The following ABTB3 variants were observed in gnomAD, a reference collection of about 807,000 sequenced individuals.
ABTB3 encodes the protein ankyrin repeat and BTB domain containing 3.
At chr12:107,489,608 A>G in the ABTB3 span, among the ~76,000 whole-genome samples, 2 of 152,294 alleles carry the variant, frequency 1.3e-5, no homozygotes, top group South Asian at 4.1e-4. Context: ...CTATCAGAAT[A>G]GTACAGAATT....
At chr12:107,388,633 G>A in the ABTB3 span, among the ~76,000 whole-genome samples, 1 of 151,102 alleles carries the variant, frequency 6.6e-6, no homozygotes, top group South Asian at 2.1e-4. Flanking sequence ...CCTGCTGGAG[G>A]TCTGGGCCAG....
chr12:107,416,772 A>G, the ABTB3 span, among the ~76,000 whole-genome samples: 1 of 152,194 alleles, frequency 6.6e-6, no homozygotes, highest in South Asian at 2.1e-4. Flanking sequence ...GTGACTACAG[A>G]CGAGTGCCAC....
the ABTB3 span, among the ~76,000 whole-genome samples, chr12:107,362,872 A>T: frequency 6.6e-6 from 1 of 152,124 alleles, no homozygotes; most frequent in Non-Finnish European, 1.5e-5. Flanking sequence ...TTCTTCTAAC[A>T]ATGAGTTGGA....
the ABTB3 span, chr12:107,319,401 T>TCGCCAAGTG: frequency 3.1e-6 from 5 of 1,599,074 alleles, no homozygotes; most frequent in Middle Eastern, 1.7e-4. Flanking sequence ...AGCCTGCGCT[T>TCGCCAAGTG]CGCCAAGTGC....
chr12:107,406,282 C>T, the ABTB3 span, among the ~76,000 whole-genome samples: 1 of 152,172 alleles, frequency 6.6e-6, no homozygotes, highest in Non-Finnish European at 1.5e-5. Context: ...ATGTCCCAGT[C>T]AGCCAGGTAT....
the ABTB3 span, among the ~76,000 whole-genome samples, chr12:107,330,167 A>C: frequency 1.3e-5 from 2 of 152,170 alleles, no homozygotes; most frequent in African/African-American, 4.8e-5. Context: ...TGCAGCTGGA[A>C]TGGGAGAGGG....
At chr12:107,654,815 T>TACACACAC in the ABTB3 span, among the ~76,000 whole-genome samples, 2,890 of 141,168 alleles carry the variant, frequency 0.02, 76 homozygotes, top group African/African-American at 0.057. Context: ...CTACATTGTA[T>TACACACAC]ACACACACAC....
chr12:107,619,986 G>T, the ABTB3 span: 1 of 1,605,322 alleles, frequency 6.2e-7, no homozygotes. Context: ...CCCGCTCCAG[G>T]CGTCCCGTGG....
At chr12:107,654,295 C>T in the ABTB3 span, among the ~76,000 whole-genome samples, 17,030 of 151,820 alleles carry the variant, frequency 0.11, 1,221 homozygotes, top group African/African-American at 0.19. Context: ...TTGGGGTTTT[C>T]TTTGTTTTTG....
At chr12:107,469,171 C>T in the ABTB3 span, among the ~76,000 whole-genome samples, 6 of 152,174 alleles carry the variant, frequency 3.9e-5, no homozygotes, top group East Asian at 1.9e-4. Context: ...CAGCTCTGGA[C>T]GGCCACAGGC....
the ABTB3 span, among the ~76,000 whole-genome samples, chr12:107,337,134 T>A: frequency 6.6e-6 from 1 of 152,232 alleles, no homozygotes; most frequent in Non-Finnish European, 1.5e-5. Context: ...GACTTTTGGA[T>A]CTTAGAGCTG....
the ABTB3 span, among the ~76,000 whole-genome samples, chr12:107,454,631 C>T: frequency 6.6e-6 from 1 of 152,100 alleles, no homozygotes; most frequent in South Asian, 2.1e-4. Context: ...GGCCCAGGTG[C>T]AGTGGGCATT....
the ABTB3 span, among the ~76,000 whole-genome samples, chr12:107,621,761 C>T: frequency 6.6e-6 from 1 of 152,202 alleles, no homozygotes; most frequent in Non-Finnish European, 1.5e-5. Context: ...CCGCCACTCT[C>T]CCGACATCTA....
the ABTB3 span, among the ~76,000 whole-genome samples, chr12:107,345,170 A>AT: frequency 5.2e-4 from 79 of 152,326 alleles, no homozygotes; most frequent in East Asian, 0.011. Flanking sequence ...TATTTAGTGC[A>AT]TAGAGATAAA....
chr12:107,595,272 C>T, the ABTB3 span, among the ~76,000 whole-genome samples: 1 of 152,150 alleles, frequency 6.6e-6, no homozygotes, highest in Non-Finnish European at 1.5e-5. Flanking sequence ...TTCTGGGACC[C>T]TGCAAGTCAG....
At chr12:107,474,849 G>C in the ABTB3 span, among the ~76,000 whole-genome samples, 8 of 152,180 alleles carry the variant, frequency 5.3e-5, no homozygotes, top group African/African-American at 1.4e-4. Context: ...CTCCAGGTTG[G>C]GGCTTAAGGA....
the ABTB3 span, among the ~76,000 whole-genome samples, chr12:107,578,494 A>G: frequency 6.8e-6 from 1 of 146,014 alleles, no homozygotes; most frequent in Non-Finnish European, 1.5e-5. Flanking sequence ...CAGCAGCCCA[A>G]GGGCAGTTCT....
At chr12:107,479,385 T>C in the ABTB3 span, among the ~76,000 whole-genome samples, 3 of 151,844 alleles carry the variant, frequency 2.0e-5, no homozygotes, top group Non-Finnish European at 4.4e-5. Flanking sequence ...CCAGCTCAGC[T>C]CTGTGATCTC....
At chr12:107,590,336 A>G in the ABTB3 span, among the ~76,000 whole-genome samples, 27 of 152,260 alleles carry the variant, frequency 1.8e-4, no homozygotes, top group Non-Finnish European at 2.9e-4. Flanking sequence ...GCACTTGGCA[A>G]ACAGGTGCTG....
Sources: gnomAD v4.1 joint callset for allele counts (sites outside exome capture counted in the v4.1 genomes callset) on GRCh38, gnomAD v4.1.1 for gene constraint, MANE v1.5 for transcripts, NCBI Gene and HGNC (gene_info 2026-07-23, HGNC 2026-07-21) for gene names.